BCAS3: variants seen among roughly 807,000 people sequenced by gnomAD.
BCAS3 encodes BCAS4/BCAS3 fusion.
BCAS3 carries 53 observed loss-of-function variants against 116.1 expected under a neutral mutation model. The ratio of observed to expected loss-of-function variants is 0.46; its 90% CI spans 0.37 to 0.57. The LOEUF is 0.57. Ranked by LOEUF, BCAS3 falls within the 20% of genes least tolerant of loss-of-function variation. BCAS3 has a pLI of 0.00. For synonymous variants in BCAS3, 391 were observed against 408.2 expected (o/e 0.96, Z 0.51); for missense variants, 917 against 1,165.4 (o/e 0.79, Z 3.10).
chr17:61,052,724 T>C (rs1600802619), intron 19 of BCAS3, among the ~76,000 whole-genome samples: 1 of 128,486 alleles, frequency 7.8e-6, no homozygotes, highest in Middle Eastern at 3.8e-3. Flanking sequence ...TCTTTTTTTT[T>C]TTTTTTTTTT....
At chr17:61,011,587 A>G (rs901460527) in intron 15 of BCAS3, among the ~76,000 whole-genome samples, 2 of 152,070 alleles carry the variant, frequency 1.3e-5, no homozygotes, top group Non-Finnish European at 2.9e-5. Context: ...TACCTCCTGG[A>G]CATGGAAATA....
At chr17:61,257,420 CA>C (rs35124459) in intron 22 of BCAS3, among the ~76,000 whole-genome samples, 169 of 57,230 alleles carry the variant, frequency 3.0e-3, no homozygotes, top group African/African-American at 4.8e-3. Flanking sequence ...GACTCCATCT[CA>C]AAAAAAAAAA....
Position 60,889,680 on chromosome 17 carries a change from T to C in BCAS3, c.662-15T>C. 5.0e-6 allele frequency: 8 copies of C among 1,607,178 alleles called. No homozygotes were observed. Among genetic ancestry groups the C allele is most frequent in the Non-Finnish European group, 6.8e-6 (8 of 1,174,644 alleles). ...ATTAAGAAATTTCTCAATAGTGCCATTTGAAATTTTTCAGGCTGCTATCCA... is the reference window on the plus strand; with the variant it reads ...ATTAAGAAATTTCTCAATAGTGCCACTTGAAATTTTTCAGGCTGCTATCCA... On this transcript the variant is annotated splice_polypyrimidine_tract_variant and intron_variant, in intron 9 of 23. Coordinates refer to ENST00000407086, the MANE Select transcript of BCAS3 (RefSeq NM_017679.5).
chr17:60,689,809 G>C (rs1211143673), intron 4 of BCAS3, 48 bp downstream of exon 4: 1 of 1,307,774 alleles, frequency 7.6e-7, no homozygotes, highest in Non-Finnish European at 1.1e-6. Flanking sequence ...TGTTTGTTTG[G>C]AGTACCTGAT....
chr17:61,338,888 GAAAA>G (rs57701817), intron 22 of BCAS3, among the ~76,000 whole-genome samples: 16 of 67,320 alleles, frequency 2.4e-4, no homozygotes, highest in African/African-American at 5.5e-4. Context: ...CCCTTACTGG[GAAAA>G]AAAAAAAAAA....
At chr17:61,384,105 C>A (rs954484781) in intron 23 of BCAS3, among the ~76,000 whole-genome samples, 18 of 152,226 alleles carry the variant, frequency 1.2e-4, no homozygotes, top group Non-Finnish European at 1.8e-4. Context: ...TCCAGGCCCC[C>A]CATTGGCATC....
In BCAS3 at chr17:60,710,667, G is replaced by A. The variant is rs565791869; in HGVS notation, c.321+1342G>A. 2.2e-4 allele frequency among the ~76,000 whole-genome samples: 33 copies of A among 152,098 alleles called. 1 individual carries two copies. In the South Asian group the frequency reaches 5.8e-3, roughly 27 times the overall value. Reference sequence around the variant, plus strand: ...AGGATGATCTTGATCTGCTGACCTCGTGATCCGCCCGCCTTGGCCTCCCAA... The same window carrying A: ...AGGATGATCTTGATCTGCTGACCTCATGATCCGCCCGCCTTGGCCTCCCAA... On this transcript the variant is annotated intron_variant, in intron 5 of 23. Coordinates refer to ENST00000407086, the MANE Select transcript of BCAS3 (RefSeq NM_017679.5).
At chr17:60,937,285 CT>C (rs924269619) in intron 13 of BCAS3, among the ~76,000 whole-genome samples, 22 of 147,144 alleles carry the variant, frequency 1.5e-4, no homozygotes, top group South Asian at 4.3e-4. Flanking sequence ...TTTTCTCTCT[CT>C]TTTTTTTTTC....
chr17:61,009,841 G>A (rs1277139013), intron 15 of BCAS3, among the ~76,000 whole-genome samples: 1 of 151,976 alleles, frequency 6.6e-6, no homozygotes, highest in Non-Finnish European at 1.5e-5. Context: ...CAACCTGGCA[G>A]CTTCTGCACA....
rs535009297 is a variant in BCAS3, at chr17:61,208,625, G to C, written c.2425+124061G>C. On this transcript the variant is annotated intron_variant, in intron 22 of 23. Transcript: ENST00000407086. The surrounding 1 kb of genome is among the most constrained non-coding windows in gnomAD (Gnocchi z 4.5). ...CAGAGACTCTCTTTTAAAGCTACTAGGTCCACGCTTCTATGAAGAAAGCAG... is the reference window on the plus strand; with the variant it reads ...CAGAGACTCTCTTTTAAAGCTACTACGTCCACGCTTCTATGAAGAAAGCAG... 4.6e-5 allele frequency among the ~76,000 whole-genome samples: 7 copies of C among 152,228 alleles called. No individual in the cohort carries two copies. The highest frequency in any genetic ancestry group is 1.3e-4 in the Admixed American group (2 of 15,290).
intron 5 of BCAS3, among the ~76,000 whole-genome samples, chr17:60,715,531 C>G (rs2038492120): frequency 6.6e-6 from 1 of 152,092 alleles, no homozygotes. Context: ...CTGTGACACT[C>G]AGGCTAGAGT....
intron 6 of BCAS3, among the ~76,000 whole-genome samples, chr17:60,796,526 A>G (rs1486937524): frequency 6.6e-6 from 1 of 152,166 alleles, no homozygotes; most frequent in African/African-American, 2.4e-5. Flanking sequence ...TGTTCATAGT[A>G]GTCTTGGATG....
intron 16 of BCAS3, among the ~76,000 whole-genome samples, chr17:61,024,641 T>G (rs1430377973): frequency 7.1e-6 from 1 of 141,400 alleles, no homozygotes. Flanking sequence ...AAGGAAAATC[T>G]CGAGGTTTTT....
chr17:61,308,134 C>T (rs1374836381), intron 22 of BCAS3, among the ~76,000 whole-genome samples: 3 of 146,022 alleles, frequency 2.1e-5, no homozygotes, highest in African/African-American at 5.6e-5. Flanking sequence ...GCACTGTAAA[C>T]AACAGCATGG....
chr17:60,712,344 C>T (rs1306741704), intron 5 of BCAS3, among the ~76,000 whole-genome samples: 1 of 151,628 alleles, frequency 6.6e-6, no homozygotes, highest in African/African-American at 2.4e-5. Context: ...CCACTGCACT[C>T]CAGCCTGGGT....
intron 22 of BCAS3, among the ~76,000 whole-genome samples, chr17:61,234,978 C>A (rs1341173160): frequency 6.6e-6 from 1 of 152,118 alleles, no homozygotes; most frequent in East Asian, 1.9e-4. Context: ...ACTTCCACCT[C>A]CTGGGTTCAA....
chr17:60,721,674 T>C (rs933060316), intron 5 of BCAS3, among the ~76,000 whole-genome samples: 1 of 152,202 alleles, frequency 6.6e-6, no homozygotes, highest in African/African-American at 2.4e-5. Context: ...TTTATAAGTC[T>C]GTGGAATGCA....
chr17:60,736,464 G>A (rs370172541), intron 5 of BCAS3, among the ~76,000 whole-genome samples: 1 of 152,230 alleles, frequency 6.6e-6, no homozygotes, highest in Admixed American at 6.5e-5. Context: ...GGGATTACAG[G>A]AGTGAGCCAC....
rs2051269241 is a variant in BCAS3, at chr17:61,281,771, A to T, written c.2426-86556A>T. Among the ~76,000 whole-genome samples the T allele has an allele frequency of 6.6e-6, 1 of 152,106 alleles. No homozygotes were observed. Among genetic ancestry groups the T allele is most frequent in the South Asian group, 2.1e-4 (1 of 4,836 alleles). On this transcript the variant is annotated intron_variant, in intron 22 of 23. Transcript: ENST00000407086. This position sits in a 1 kb window ranked among gnomAD's most constrained non-coding sequence, Gnocchi z 4.2. The stretch of plus-strand genomic sequence containing the variant: ...TTCCAAGTTTGTCAGTATCTTTGCC[A>T]TACAAATTTTAAATTTTATGTGTTT...
Sources: gnomAD v4.1 joint callset for allele counts (sites outside exome capture counted in the v4.1 genomes callset) on GRCh38, gnomAD v4.1.1 for gene constraint, Gnocchi (gnomAD v3.1) non-coding constraint, MANE v1.5 for transcripts, NCBI Gene and HGNC (gene_info 2026-07-23, HGNC 2026-07-21) for gene names.